PARVB: variants seen among roughly 807,000 people sequenced by gnomAD.
PARVB encodes the protein beta-parvin.
In PARVB, 46 loss-of-function variants were observed where a neutral mutation model predicts 47.0. The ratio of observed to expected loss-of-function variants is 0.98; its 90% confidence interval spans 0.77 to 1.25. The LOEUF (loss-of-function observed/expected upper bound fraction) is 1.25. PARVB is among the 50% of genes most tolerant of loss of function. PARVB has a pLI of 0.00. For synonymous variants in PARVB, 196 were observed against 196.3 expected (o/e 1.00, Z 0.01); for missense variants, 473 against 471.6 (o/e 1.00, Z -0.03).
At chr22:44,147,817 G>A (rs757890614) in intron 8 of PARVB, 44 bp from the exon 9 acceptor site, 81 of 1,577,664 alleles carry the variant, frequency 5.1e-5, no homozygotes, top group Non-Finnish European at 6.8e-5. Flanking sequence ...AGCACCACGG[G>A]TTTCCATAAA....
At chr22:44,111,432 C>CTTTTTTTTTT (rs10527330) in intron 3 of PARVB, 8 of 59,236 alleles carry the variant, frequency 1.4e-4, no homozygotes, top group African/African-American at 4.3e-4. Context: ...CCTGCAAAAC[C>CTTTTTTTTTT]TTTTTTTTTT....
At chr22:44,092,953 C>T (rs879720696) in intron 1 of PARVB, among the ~76,000 whole-genome samples, 2 of 152,240 alleles carry the variant, frequency 1.3e-5, no homozygotes, top group Admixed American at 1.3e-4. Context: ...GAAAGAGGTA[C>T]AGCTCCGGGC....
At chr22:44,114,967 T>G (rs1404377348) in intron 3 of PARVB, 1 of 110,362 alleles carries the variant, frequency 9.1e-6, no homozygotes, top group Non-Finnish European at 1.8e-5. Context: ...CACAGATACG[T>G]TGTTACTAAG....
intron 1 of PARVB, among the ~76,000 whole-genome samples, chr22:44,027,297 T>C (rs73436626): frequency 0.012 from 1,892 of 152,254 alleles, 37 homozygotes; most frequent in African/African-American, 0.04. Context: ...TGAGAGGCCC[T>C]GTAGGTCCAG....
intron 1 of PARVB, among the ~76,000 whole-genome samples, chr22:44,088,060 T>C (rs1240359925): frequency 6.6e-6 from 1 of 152,090 alleles, no homozygotes; most frequent in Non-Finnish European, 1.5e-5. Flanking sequence ...AGATGGAAAC[T>C]GAGACACACA....
At chr22:44,105,789 C>A (rs2052552951) in intron 3 of PARVB, 1 of 152,288 alleles carries the variant, frequency 6.6e-6, no homozygotes, top group Non-Finnish European at 1.5e-5. Context: ...GGCTTAGAGA[C>A]AAGACAGATG....
intron 2 of PARVB, among the ~76,000 whole-genome samples, chr22:44,002,543 G>A (rs1156547299): frequency 6.6e-6 from 1 of 152,176 alleles, no homozygotes; most frequent in African/African-American, 2.4e-5. Flanking sequence ...GCAGAGGCGG[G>A]TGCGTGGTCT....
At chr22:44,151,971 C>T (rs945762980) in intron 10 of PARVB, 7 of 187,196 alleles carry the variant, frequency 3.7e-5, no homozygotes, top group Admixed American at 2.7e-4. Flanking sequence ...CATGTGGTGT[C>T]GTCCTTGTGT....
chr22:44,040,052 A>C lies in PARVB; in HGVS notation c.112+15601A>C, dbSNP rs892502702. The C allele has an allele frequency of 7.0e-5, 19 of 272,350 alleles. No homozygotes were observed. In the Middle Eastern group the frequency reaches 1.3e-3, roughly 18 times the overall value. 16.9% of individuals were successfully genotyped at this position (272,350 alleles called of 1,614,324 possible). A position where few individuals can be genotyped will look rare whatever the true frequency, so the allele number is the denominator to read the frequency against. The stretch of plus-strand genomic sequence containing the variant: ...GGTTGCCTCTGGGGCTGTGGGCAGG[A>C]GTTGCTTGGGGAGGAGCAGGAGGGA... On this transcript the variant is annotated intron_variant, in intron 1 of 12. Transcript: ENST00000338758.
rs559908123 is a variant in PARVB at position 44,118,223 on chromosome 22, G to A, written c.274-815G>A. Among the ~76,000 whole-genome samples the A allele has an allele frequency of 2.7e-4, 41 of 152,326 alleles. No individual in the cohort carries two copies. In the South Asian group the frequency reaches 5.4e-3, roughly 20 times the overall value. On this transcript the variant is annotated intron_variant, in intron 3 of 12. Transcript: ENST00000338758. ...CCCATGAGATGGAATATGATTCAGCGTAGGCACGAAAGAAGGACGGAAACA... is the reference window on the plus strand; with the variant it reads ...CCCATGAGATGGAATATGATTCAGCATAGGCACGAAAGAAGGACGGAAACA...
In PARVB at chr22:44,122,919, ATTTCTAAT is replaced by A. The variant is rs71740789; in HGVS notation, c.376+3780_376+3787del. 4.8e-3 allele frequency among the ~76,000 whole-genome samples: 724 copies of A among 152,130 alleles called. 5 individuals are homozygous for A. The highest frequency in any genetic ancestry group is 7.0e-3 in the Non-Finnish European group (476 of 67,990). ...GTCTCCTATGTGGGGCATTTTTGTC[ATTTCTAAT>A]ATTTTTCTATCACCAGTAATATTGT... is the stretch of plus-strand genomic sequence containing the variant. On this transcript the variant is annotated intron_variant, in intron 4 of 12. Transcript: ENST00000338758.
At chr22:44,099,729 C>T (rs1054574729) in intron 2 of PARVB, among the ~76,000 whole-genome samples, 2 of 152,132 alleles carry the variant, frequency 1.3e-5, no homozygotes, top group Admixed American at 1.3e-4. Flanking sequence ...AGATTCCGGC[C>T]AGCGGAGGCA....
chr22:44,009,586 CACAT>C (rs1298582397), intron 2 of PARVB: 4 of 151,012 alleles, frequency 2.6e-5, no homozygotes, highest in Non-Finnish European at 5.9e-5. Flanking sequence ...TATATATACA[CACAT>C]ATGTATGTAA....
Position 44,131,626 on chromosome 22 carries a change from CTG to C in PARVB, c.517+2_517+3del, listed in dbSNP as rs2053324083. 1 of 1,609,376 alleles carries C rather than the reference CTG, an allele frequency of 6.2e-7. No individual in the cohort carries two copies. The highest frequency in any genetic ancestry group is 8.5e-7 in the Non-Finnish European group (1 of 1,178,034). ...GCTGGGCGCTCCGGTGGAGCGTGGACTGTGAGTTCCACGCCACAGGGGGAGGG... is the reference window on the plus strand; with the variant it reads ...GCTGGGCGCTCCGGTGGAGCGTGGACTGAGTTCCACGCCACAGGGGGAGGG... On this transcript the variant is annotated splice_donor_variant and coding_sequence_variant, in exon 5 of 13. Transcript: ENST00000338758. LOFTEE classifies it high-confidence loss of function.
rs142253390 is a variant in PARVB, at chr22:44,042,546, C to T, written c.112+18095C>T. On this transcript the variant is annotated intron_variant, in intron 1 of 12. Transcript: ENST00000338758. ...AGACACGCCACCCTGGGAACTGGCC[C>T]GTGTCTTCACACGTCCTGCACTGCT... Among the ~76,000 whole-genome samples, 29 of 152,318 alleles carry T rather than the reference C, an allele frequency of 1.9e-4. No homozygotes were observed. In the East Asian group the frequency reaches 4.4e-3, roughly 23 times the overall value.
chr22:44,159,880 T>C (rs879490841), intron 11 of PARVB, among the ~76,000 whole-genome samples: 1 of 152,180 alleles, frequency 6.6e-6, no homozygotes, highest in Non-Finnish European at 1.5e-5. Context: ...CCGAGGTGCG[T>C]TTGCTCTGGC....
At chr22:44,018,966 G>A (rs1008622847) in intron 2 of PARVB, among the ~76,000 whole-genome samples, 3 of 152,218 alleles carry the variant, frequency 2.0e-5, no homozygotes, top group Non-Finnish European at 2.9e-5. Flanking sequence ...CCCCCAGGCT[G>A]GAGTGCAATG....
rs1166883239 is a variant in PARVB, at chr22:44,169,549, T to G, written c.*871T>G. 6.7e-6 allele frequency: 1 copy of G among 150,172 alleles called. No individual in the cohort carries two copies. Among genetic ancestry groups the G allele is most frequent in the Non-Finnish European group, 1.5e-5 (1 of 68,032 alleles). The allele number at this position is 150,172 out of a possible 1,614,324, so 9.3% of individuals were successfully genotyped here. On this transcript the variant is annotated 3_prime_UTR_variant, in exon 13 of 13. Coordinates refer to ENST00000338758, the MANE Select transcript of PARVB (RefSeq NM_013327.5). ...GGGGGGTGCATTGGTTCACTGGCAC[T>G]GTGTAGTAAAGTGCCACAGGGGAGT...
intron 2 of PARVB, among the ~76,000 whole-genome samples, chr22:44,017,848 G>A (rs539850798): frequency 6.6e-6 from 1 of 152,170 alleles, no homozygotes; most frequent in East Asian, 1.9e-4. Context: ...CTCTTCACTG[G>A]GGGTCCGTGG....
Sources: gnomAD v4.1 joint callset for allele counts (sites outside exome capture counted in the v4.1 genomes callset) on GRCh38, gnomAD v4.1.1 for gene constraint, MANE v1.5 for transcripts, NCBI Gene and HGNC (gene_info 2026-07-23, HGNC 2026-07-21) for gene names.